ASIC5: variants seen among roughly 807,000 people sequenced by gnomAD.
ASIC5 encodes bile acid-sensitive ion channel.
Under a neutral mutation model 51.2 loss-of-function variants are expected in ASIC5, and 52 were observed. The observed-to-expected ratio is 1.02, with a 90% CI of 0.81 to 1.28. The LOEUF (loss-of-function observed/expected upper bound fraction) is 1.28. Ranked by LOEUF, ASIC5 falls within the 50% of genes most tolerant of loss-of-function variation. ASIC5 has a pLI of 0.00. For synonymous variants in ASIC5, 231 were observed against 200.7 expected (o/e 1.15, Z -1.28); for missense variants, 635 against 595.0 (o/e 1.07, Z -0.70).
Position 155,855,784 on chromosome 4 carries a change from A to G in ASIC5, c.348-1470T>C, listed in dbSNP as rs192863322. ...AAAATAAAAATATTTACTCTAAAAG[A>G]CATTTTTTGACATATTTTGAAATGG... On this transcript the variant is annotated intron_variant, in intron 2 of 9. Transcript: ENST00000537611. 1.2e-3 allele frequency among the ~76,000 whole-genome samples: 175 copies of G among 151,670 alleles called. 2 individuals are homozygous for G. Among genetic ancestry groups the G allele is most frequent in the African/African-American group, 3.8e-3 (159 of 41,434 alleles).
chr4:155,858,558 T>C (rs1051489335), intron 2 of ASIC5, among the ~76,000 whole-genome samples: 1 of 152,072 alleles, frequency 6.6e-6, no homozygotes, highest in Non-Finnish European at 1.5e-5. Context: ...TTTATTTTGC[T>C]AAGGTTGAGG....
chr4:155,860,092 AT>A (rs1168106204), intron 2 of ASIC5, among the ~76,000 whole-genome samples: 1 of 151,954 alleles, frequency 6.6e-6, no homozygotes, highest in African/African-American at 2.4e-5. Context: ...AGGCTTCCAC[AT>A]TTTGGGTTAT....
intron 6 of ASIC5, among the ~76,000 whole-genome samples, chr4:155,841,887 G>A (rs1489281427): frequency 2.0e-5 from 3 of 152,082 alleles, no homozygotes; most frequent in East Asian, 1.9e-4. Flanking sequence ...TAGAATTTCA[G>A]AAGAATGGAA....
intron 4 of ASIC5, among the ~76,000 whole-genome samples, chr4:155,850,332 G>A (rs887675035): frequency 6.6e-6 from 1 of 151,858 alleles, no homozygotes; most frequent in Non-Finnish European, 1.5e-5. Flanking sequence ...GCTTCAAGTT[G>A]TCCCCACCTT....
intron 2 of ASIC5, among the ~76,000 whole-genome samples, chr4:155,860,456 A>G (rs1477245155): frequency 6.6e-6 from 1 of 151,866 alleles, no homozygotes; most frequent in African/African-American, 2.4e-5. Flanking sequence ...AAATAGCTTG[A>G]GTACTTTTCC....
chr4:155,840,141 T>C (rs1418794174), intron 6 of ASIC5, among the ~76,000 whole-genome samples: 1 of 152,170 alleles, frequency 6.6e-6, no homozygotes, highest in Non-Finnish European at 1.5e-5. Flanking sequence ...TAGTTTCTGG[T>C]CCACATTAGC....
intron 4 of ASIC5, among the ~76,000 whole-genome samples, chr4:155,848,262 T>C (rs1741301440): frequency 6.6e-6 from 1 of 152,068 alleles, no homozygotes; most frequent in Non-Finnish European, 1.5e-5. Flanking sequence ...ACACCTTTGA[T>C]ATTTGAAGAT....
Position 155,853,020 on chromosome 4 carries a change from G to A in ASIC5, c.586-704C>T, listed in dbSNP as rs528977159. Reference sequence around the variant, plus strand: ...AATCTTAAAGACAGTCTTGGAGTCCGTTGGTTCAGCATTTTTTGAAGCCAG... The same window carrying A: ...AATCTTAAAGACAGTCTTGGAGTCCATTGGTTCAGCATTTTTTGAAGCCAG... On this transcript the variant is annotated intron_variant, in intron 3 of 9. Coordinates refer to ENST00000537611, the MANE Select transcript of ASIC5 (RefSeq NM_017419.3). 5.1e-4 allele frequency among the ~76,000 whole-genome samples: 77 copies of A among 152,098 alleles called. 1 individual carries two copies. Among genetic ancestry groups the A allele is most frequent in the African/African-American group, 1.8e-3 (74 of 41,544 alleles).
intron 1 of ASIC5, chr4:155,864,376 T>C (rs1741804632): frequency 6.6e-6 from 1 of 152,188 alleles, no homozygotes; most frequent in African/African-American, 2.4e-5. Flanking sequence ...ATTTCAAGTC[T>C]ATCAGGAATC....
chr4:155,843,922 G>T (rs544947475), intron 4 of ASIC5, 92 bp from the exon 5 acceptor site: 5 of 1,113,854 alleles, frequency 4.5e-6, no homozygotes, highest in South Asian at 1.4e-5. Context: ...TCATGATAGC[G>T]TTTGACTAAT....
chr4:155,863,420 T>C (rs964570066), intron 2 of ASIC5, 28 bp downstream of exon 2: 38 of 1,533,996 alleles, frequency 2.5e-5, no homozygotes, highest in Non-Finnish European at 3.3e-5. Context: ...TTATAGGAAC[T>C]AATTATTTTT....
rs528341030 is a variant in ASIC5 at position 155,834,978 on chromosome 4, C to G, written c.1235+1711G>C. On this transcript the variant is annotated intron_variant, in intron 8 of 9. Coordinates refer to ENST00000537611, the MANE Select transcript of ASIC5 (RefSeq NM_017419.3). ...AAGATCACAATCCCACTCCATACCC[C>G]CTTCTGGCTCCTGATCCATCTCACT... 7.2e-5 allele frequency among the ~76,000 whole-genome samples: 11 copies of G among 152,226 alleles called. No homozygotes were observed. The South Asian group carries it at 2.1e-3, about 29-fold the overall frequency.
rs778973794 is a variant in ASIC5 at position 155,845,135 on chromosome 4, G to A, written c.712-1305C>T. ...GATTTTTTATTTTGACTACTAAAGG[G>A]GCTTTATTTACATAACAAAGCCACC... On this transcript the variant is annotated intron_variant, in intron 4 of 9. Coordinates refer to ENST00000537611, the MANE Select transcript of ASIC5 (RefSeq NM_017419.3). Among the ~76,000 whole-genome samples the A allele has an allele frequency of 1.8e-4, 28 of 151,850 alleles. 1 individual carries two copies. Among genetic ancestry groups the A allele is most frequent in the Admixed American group, 1.2e-3 (19 of 15,226 alleles).
Position 155,836,689 on chromosome 4 carries a change from CT to C in ASIC5, c.1234del (p.Arg412GlyfsTer5). ...TAATTTAAAAGGCTAGTAAGGTTACCTGATGTATTTCCGGCTTTGATTCAAC... is the reference window on the plus strand; with the variant it reads ...TAATTTAAAAGGCTAGTAAGGTTACCGATGTATTTCCGGCTTTGATTCAAC... Reference protein sequence around the residue: ...KKLNQSRKYIRENLVKIEINY... With the variant: ...KKLNQSRKYIXENLVKIEINY... On this transcript the variant is annotated frameshift_variant and splice_region_variant, in exon 8 of 10. Transcript: ENST00000537611. LOFTEE classifies it high-confidence loss of function. 1.3e-6 allele frequency: 2 copies of C among 1,595,572 alleles called. No individual in the cohort carries two copies. Among genetic ancestry groups the C allele is most frequent in the Non-Finnish European group, 1.7e-6 (2 of 1,166,438 alleles).
rs747004267 is a variant in ASIC5, at chr4:155,842,265, C to T, written c.951G>A (p.Lys317=). 6.2e-7 allele frequency: 1 copy of T among 1,613,682 alleles called. No homozygotes were observed. The highest frequency in any genetic ancestry group is 1.3e-5 in the African/African-American group (1 of 74,988). The change falls in exon 6 of 10, where the codon AAG becomes AAA. Residue 317 remains lysine, a synonymous_variant. Transcript: ENST00000537611. ...FSSYSTSGCL[K]ECKAQHIKKQ... The stretch of plus-strand genomic sequence containing the variant: ...TTTTTATGTGCTGGGCTTTGCATTC[C>T]TTCAAGCAACCAGAAGTGCTGTAGC...
At chr4:155,835,106 G>T (rs1461945778) in intron 8 of ASIC5, among the ~76,000 whole-genome samples, 2 of 152,136 alleles carry the variant, frequency 1.3e-5, no homozygotes, top group Non-Finnish European at 2.9e-5. Flanking sequence ...GATACAGAAG[G>T]CTGTCACACT....
At chr4:155,858,215 A>AT (rs1741596282) in intron 2 of ASIC5, among the ~76,000 whole-genome samples, 1 of 152,134 alleles carries the variant, frequency 6.6e-6, no homozygotes, top group Non-Finnish European at 1.5e-5. Flanking sequence ...CACAAACAGT[A>AT]TTACAATTTC....
chr4:155,856,961 C>CT (rs1174944945), intron 2 of ASIC5, among the ~76,000 whole-genome samples: 4 of 151,768 alleles, frequency 2.6e-5, no homozygotes, highest in East Asian at 3.9e-4. Flanking sequence ...TATTTTTAAG[C>CT]TTTTTTTATT....
chr4:155,844,886 C>T (rs1031484295), intron 4 of ASIC5, among the ~76,000 whole-genome samples: 4 of 152,002 alleles, frequency 2.6e-5, no homozygotes, highest in African/African-American at 9.7e-5. Flanking sequence ...GAGCCAACCC[C>T]TGCTGCATCT....
Sources: gnomAD v4.1 joint callset for allele counts (sites outside exome capture counted in the v4.1 genomes callset) on GRCh38, gnomAD v4.1.1 for gene constraint, MANE v1.5 for transcripts, NCBI Gene and HGNC (gene_info 2026-07-23, HGNC 2026-07-21) for gene names.